The following SLC9A9 variants were observed in gnomAD, a reference collection of about 807,000 sequenced individuals.
SLC9A9 encodes the protein solute carrier family 9 member A9.
SLC9A9 carries 62 observed loss-of-function variants against 77.8 expected under a neutral mutation model. The ratio of observed to expected loss-of-function variants is 0.80; its 90% CI spans 0.65 to 0.98. The LOEUF (loss-of-function observed/expected upper bound fraction) is 0.98. Ranked by LOEUF, SLC9A9 falls within the 50% of genes least tolerant of loss-of-function variation. The pLI is 0.00. For missense variants in SLC9A9, 775 were observed against 774.9 expected, an observed-to-expected ratio of 1.00 and a Z score of 0.00; for synonymous variants, 320 against 283.5, an observed-to-expected ratio of 1.13 and a Z score of -1.29.
intron 6 of SLC9A9, among the ~76,000 whole-genome samples, chr3:143,589,623 A>G (rs1282361983): frequency 6.6e-6 from 1 of 152,198 alleles, no homozygotes; most frequent in East Asian, 1.9e-4. Context: ...TACACTCCAT[A>G]ATGTCTGCAT....
chr3:143,438,691 C>G lies in SLC9A9; in HGVS notation c.1469+28346G>C, dbSNP rs537894600. Among the ~76,000 whole-genome samples the G allele has an allele frequency of 2.0e-5, 3 of 152,334 alleles. No individual in the cohort carries two copies. In the East Asian group the frequency reaches 5.8e-4, roughly 29 times the overall value. ...GGAAAGACCCACAGGGTATGGGGCT[C>G]TCTGCTCCATCCAGTGCCTGCTTTG... On this transcript the variant is annotated intron_variant, in intron 12 of 15. Transcript: ENST00000316549.
At chr3:143,320,503 C>T in intron 14 of SLC9A9, among the ~76,000 whole-genome samples, 1 of 152,150 alleles carries the variant, frequency 6.6e-6, no homozygotes. Flanking sequence ...GGTGAGGCCT[C>T]AGGGAACTTT....
intron 11 of SLC9A9, among the ~76,000 whole-genome samples, chr3:143,491,961 C>T (rs116152385): frequency 3.5e-4 from 54 of 152,246 alleles, no homozygotes; most frequent in Non-Finnish European, 6.0e-4. Flanking sequence ...TAAAAGTCAA[C>T]TCATTGCCAA....
chr3:143,498,559 A>G (rs1003803104), intron 9 of SLC9A9, among the ~76,000 whole-genome samples: 2 of 152,196 alleles, frequency 1.3e-5, no homozygotes, highest in African/African-American at 2.4e-5. Flanking sequence ...GTCTCAAAAA[A>G]ATAAATAAAT....
At chr3:143,523,586 T>C (rs2036354964) in intron 9 of SLC9A9, among the ~76,000 whole-genome samples, 1 of 152,174 alleles carries the variant, frequency 6.6e-6, no homozygotes, top group Non-Finnish European at 1.5e-5. Flanking sequence ...CTGTGTGAAC[T>C]TGTGAACTTG....
Position 143,774,462 on chromosome 3 carries a change from G to A in SLC9A9, c.533+20539C>T, listed in dbSNP as rs550794859. Among the ~76,000 whole-genome samples, 3 of 152,262 alleles carry A rather than the reference G, an allele frequency of 2.0e-5. No homozygotes were observed. The East Asian group carries it at 5.8e-4, about 29-fold the overall frequency. On this transcript the variant is annotated intron_variant, in intron 4 of 15. Transcript: ENST00000316549. ...CAGCTCTTCCCATTTGCCATGTGAT[G>A]TTTGGGATGGCACTTACTCCTTCTG...
Position 143,612,421 on chromosome 3 carries a change from G to A in SLC9A9, c.756-33698C>T, listed in dbSNP as rs113753481. Among the ~76,000 whole-genome samples, 977 of 152,256 alleles carry A rather than the reference G, an allele frequency of 6.4e-3. 12 individuals carry two copies. The highest frequency in any genetic ancestry group is 0.022 in the African/African-American group (898 of 41,550). ...TCTCACTTGTGGGATAACCCTAAGT[G>A]AATAAGAGCTGGTGTGACTTGAGCT... On this transcript the variant is annotated intron_variant, in intron 6 of 15. Coordinates refer to ENST00000316549, the MANE Select transcript of SLC9A9 (RefSeq NM_173653.4).
At chr3:143,476,932 A>T (rs1240321614) in intron 11 of SLC9A9, among the ~76,000 whole-genome samples, 1 of 152,198 alleles carries the variant, frequency 6.6e-6, no homozygotes, top group African/African-American at 2.4e-5. Context: ...AAATGTCCAT[A>T]GTTGCTGGGG....
intron 14 of SLC9A9, among the ~76,000 whole-genome samples, chr3:143,331,024 T>A (rs562548045): frequency 1.3e-5 from 2 of 152,312 alleles, no homozygotes; most frequent in African/African-American, 4.8e-5. Context: ...ATAAAGAAAG[T>A]CTTTGTGGGC....
intron 12 of SLC9A9, among the ~76,000 whole-genome samples, chr3:143,383,708 G>C (rs1433493967): frequency 1.3e-5 from 2 of 152,146 alleles, no homozygotes; most frequent in African/African-American, 4.8e-5. Context: ...GTGCTGGGGA[G>C]AGGTCTGGCC....
intron 14 of SLC9A9, among the ~76,000 whole-genome samples, chr3:143,348,016 ATT>A (rs11397226): frequency 4.2e-5 from 6 of 142,372 alleles, no homozygotes; most frequent in Non-Finnish European, 3.1e-5. Context: ...TTAAGCAGTA[ATT>A]TTTTTTTTTT....
At chr3:143,433,150 A>G (rs2034556084) in intron 12 of SLC9A9, among the ~76,000 whole-genome samples, 1 of 152,232 alleles carries the variant, frequency 6.6e-6, no homozygotes, top group African/African-American at 2.4e-5. Context: ...GATGACAGAA[A>G]TCAATCTTGA....
chr3:143,662,501 A>G (rs2038993781), intron 5 of SLC9A9, among the ~76,000 whole-genome samples: 1 of 152,334 alleles, frequency 6.6e-6, no homozygotes, highest in African/African-American at 2.4e-5. Context: ...AGGGCGGGGC[A>G]TCACCTCACC....
chr3:143,630,928 AT>A (rs1170292389), intron 6 of SLC9A9, among the ~76,000 whole-genome samples: 10 of 152,124 alleles, frequency 6.6e-5, no homozygotes, highest in African/African-American at 2.4e-4. Context: ...GCTCGTTGCT[AT>A]ATTTTGGGAA....
chr3:143,634,147 C>CTTTTTTTTTTTTTTTTTT lies in SLC9A9; in HGVS notation c.755+18107_755+18108insAAAAAAAAAAAAAAAAAA, dbSNP rs1033629087. Among the ~76,000 whole-genome samples the CTTTTTTTTTTTTTTTTTT allele has an allele frequency of 2.7e-4, 40 of 149,332 alleles. 1 individual carries two copies. The highest frequency in any genetic ancestry group is 1.0e-3 in the African/African-American group (40 of 38,726). ...TGCCTATGTGCTCCCATAATCCTTT[C>CTTTTTTTTTTTTTTTTTT]TTTAAGCTTGAAATTCAGTAACTTT... On this transcript the variant is annotated intron_variant, in intron 6 of 15. Coordinates refer to ENST00000316549, the MANE Select transcript of SLC9A9 (RefSeq NM_173653.4).
intron 11 of SLC9A9, among the ~76,000 whole-genome samples, chr3:143,478,123 A>G (rs2035513944): frequency 6.6e-6 from 1 of 152,238 alleles, no homozygotes; most frequent in Non-Finnish European, 1.5e-5. Flanking sequence ...CTCCTTGGGC[A>G]GCCAGAATGA....
At chr3:143,578,871 G>A in intron 6 of SLC9A9, 148 bp from the exon 7 acceptor site, 1 of 935,014 alleles carries the variant, frequency 1.1e-6, no homozygotes, top group Non-Finnish European at 1.7e-6. Context: ...CAGAAGGGGA[G>A]AGTTGGAGAA....
chr3:143,411,138 G>A (rs2034089861), intron 12 of SLC9A9, among the ~76,000 whole-genome samples: 1 of 152,142 alleles, frequency 6.6e-6, no homozygotes, highest in Non-Finnish European at 1.5e-5. Flanking sequence ...TCATTTCGGT[G>A]TTCTCTACAT....
At chr3:143,797,904 G>T (rs1486270567) in intron 2 of SLC9A9, among the ~76,000 whole-genome samples, 3 of 152,118 alleles carry the variant, frequency 2.0e-5, no homozygotes, top group East Asian at 1.9e-4. Flanking sequence ...CTCACACAAA[G>T]CCTGTTTGGT....
Sources: allele counts gnomAD v4.1 joint callset (sites outside exome capture counted in the v4.1 genomes callset), GRCh38; gene constraint gnomAD v4.1.1; transcripts MANE v1.5; gene names NCBI Gene and HGNC (gene_info 2026-07-23, HGNC 2026-07-21).